BCAT2: variants seen among roughly 807,000 people sequenced by gnomAD.
BCAT2 encodes branched-chain-amino-acid aminotransferase, mitochondrial.
BCAT2 carries 44 observed loss-of-function variants against 52.9 expected under a neutral mutation model. The observed-to-expected ratio is 0.83, with a 90% CI of 0.65 to 1.07. BCAT2 has a LOEUF of 1.07. Ranked by LOEUF, BCAT2 falls within the 50% of genes least tolerant of loss-of-function variation. The pLI, the probability that BCAT2 is intolerant of heterozygous loss-of-function variation, is 0.00. For missense variants in BCAT2, 478 were observed against 521.8 expected, an observed-to-expected ratio of 0.92 and a Z score of 0.82; for synonymous variants, 215 against 217.1, an observed-to-expected ratio of 0.99 and a Z score of 0.08.
At position 48,806,707 on chromosome 19, in the gene BCAT2, A is replaced by G. The variant is rs2034791534; in HGVS notation, c.110T>C (p.Leu37Pro). 8.7e-6 allele frequency: 14 copies of G among 1,613,220 alleles called. No homozygotes were observed. The highest frequency in any genetic ancestry group is 1.2e-5 in the Non-Finnish European group (14 of 1,180,022). The stretch of plus-strand genomic sequence containing the variant: ...AGGCTTCTGTGTCATTTCCAGCTGC[A>G]GGTCTGCAGCCTGAGGAAAGACAGG... ...YASSSFKAAD[L>P]QLEMTQKPHK... Residue 37 changes from leucine (L) to proline (P), a missense_variant, in exon 3 of 11, where the codon CTG (leucine) becomes CCG (proline). By Grantham distance (98) the Leu-to-Pro change is moderately conservative (BLOSUM62 -3). Coordinates refer to ENST00000316273, the MANE Select transcript of BCAT2 (RefSeq NM_001190.4).
In BCAT2 at chr19:48,797,287, C is replaced by T; in HGVS notation, c.742G>A (p.Gly248Ser). 2.5e-6 allele frequency: 4 copies of T among 1,614,118 alleles called. No individual in the cohort carries two copies. Among genetic ancestry groups the T allele is most frequent in the Non-Finnish European group, 3.4e-6 (4 of 1,180,010 alleles). ...TACAGCCAGAGGACCTGTTCACAGC[C>T]CCGCTTGAGTGCCTCCTGTTGCACT... is the stretch of plus-strand genomic sequence containing the variant. ...VLVQQEALKR[G>S]CEQVLWLYGP... Residue 248 changes from glycine to serine, a missense_variant, in exon 7 of 11, where the codon GGC (glycine) becomes AGC (serine). Physicochemically the swap from Gly to Ser is moderately conservative, Grantham distance 56 (BLOSUM62 0). Transcript: ENST00000316273.
chr19:48,799,618 C>G lies in BCAT2; in HGVS notation c.695+57G>C, dbSNP rs2034608164. The G allele has an allele frequency of 6.7e-7, 1 of 1,494,144 alleles. No homozygotes were observed. Among genetic ancestry groups the G allele is most frequent in the Non-Finnish European group, 8.9e-7 (1 of 1,124,648 alleles). The allele number at this position is 1,494,144 out of a possible 1,614,324, so 92.6% of individuals were successfully genotyped here. On this transcript the variant is annotated intron_variant, in intron 6 of 10. Coordinates refer to ENST00000316273, the MANE Select transcript of BCAT2 (RefSeq NM_001190.4). This position sits in a 1 kb window ranked among gnomAD's most constrained non-coding sequence, Gnocchi z 5.5. ...CATGGCCGAAAGCACGCACGCTGGT[C>G]CCTGTGTCTCCAACGCCCAGTGCGC...
intron 2 of BCAT2, 72 bp from the exon 3 acceptor site, chr19:48,806,789 C>G (rs531271430): frequency 6.4e-7 from 1 of 1,553,394 alleles, no homozygotes; most frequent in African/African-American, 1.4e-5. Context: ...TCCCATGAAG[C>G]CCTGGGCCTC....
intron 3 of BCAT2, among the ~76,000 whole-genome samples, chr19:48,802,202 C>A (rs1194582175): frequency 6.6e-6 from 1 of 151,998 alleles, no homozygotes; most frequent in Non-Finnish European, 1.5e-5. Flanking sequence ...GTTTGAGATA[C>A]CTTTAAAACC....
Position 48,797,324 on chromosome 19 carries a change from C to T in BCAT2, c.705G>A (p.Gly235=), listed in dbSNP as rs1205645570. ...VGNYKLGGNY[G]PTVLVQQEAL... ...CCTCCTGTTGCACTAACACGGTGGG[C>T]CCATAATTCCTGGTGGAGGGCAGTC... The change falls in exon 7 of 11, where the codon GGG becomes GGA. Residue 235 remains glycine (G), a synonymous_variant. Coordinates refer to ENST00000316273, the MANE Select transcript of BCAT2 (RefSeq NM_001190.4). 2.5e-6 allele frequency: 4 copies of T among 1,613,908 alleles called. No individual in the cohort carries two copies. The highest frequency in any genetic ancestry group is 2.7e-5 in the African/African-American group (2 of 74,916).
At chr19:48,810,735 CCTTTTT>C in intron 1 of BCAT2, 1 of 937,362 alleles carries the variant, frequency 1.1e-6, no homozygotes, top group Non-Finnish European at 1.4e-6. Flanking sequence ...ACCATGTTTC[CCTTTTT>C]TTTTTTTTTT....
Position 48,806,556 on chromosome 19 carries a change from C to T in BCAT2, c.261G>A (p.Thr87=), listed in dbSNP as rs775192346. 1 of 1,614,030 alleles carries T rather than the reference C, an allele frequency of 6.2e-7. No homozygotes were observed. Among genetic ancestry groups the T allele is most frequent in the South Asian group, 1.1e-5 (1 of 91,080 alleles). The change falls in exon 3 of 11, where the codon ACG becomes ACA. Residue 87 remains threonine (T), a synonymous_variant. Transcript: ENST00000316273. The stretch of plus-strand genomic sequence containing the variant: ...GGAGGCTGGAGGAGGCTGGGTGCAG[C>T]GTGAGGTTCTGGAAGGGCTGGATTC... The part of the protein sequence containing the change: ...QPRIQPFQNL[T]LHPASSSLHY...
In BCAT2 at chr19:48,811,002, G is replaced by A. The variant is rs778614829; in HGVS notation, c.6C>T (p.Ala2=). The change falls in exon 1 of 11, where the codon GCC becomes GCT. Residue 2 remains alanine, a synonymous_variant. Coordinates refer to ENST00000316273, the MANE Select transcript of BCAT2 (RefSeq NM_001190.4). ...AACCCACCTGCCCCAGAGCGGCTGC[G>A]GCCATGATCCGTGCGGCGCGTAACT... M[A]AAALGQIWAR... The A allele has an allele frequency of 9.3e-6, 15 of 1,607,014 alleles. No individual in the cohort carries two copies. The African/African-American group carries it at 1.7e-4, about 19-fold the overall frequency.
In BCAT2 at chr19:48,800,258, G is replaced by T; in HGVS notation, c.340C>A (p.Gln114Lys). 1 of 1,613,826 alleles carries T rather than the reference G, an allele frequency of 6.2e-7. No individual in the cohort carries two copies. Among genetic ancestry groups the T allele is most frequent in the Non-Finnish European group, 8.5e-7 (1 of 1,180,038 alleles). ...GMKAFKGKDQ[Q>K]VRLFRPWLNM... ...AGCCAGGGGCGGAAGAGGCGCACCT[G>T]CTGGTCTTTGCCTTTGAACGCCTTC... Residue 114 changes from glutamine (Q) to lysine (K), a missense_variant, in exon 4 of 11, where the codon CAG becomes AAG. Gln to Lys is a moderately conservative substitution (Grantham distance 53). Transcript: ENST00000316273.
Position 48,797,174 on chromosome 19 carries a change from G to C in BCAT2, c.838+17C>G. On this transcript the variant is annotated intron_variant, in intron 7 of 10. Transcript: ENST00000316273. ...CCACTTCCACCAGGGTTCGGGCTGG[G>C]TCATGGGTGGGCTTACCCCCATCTT... 1 of 1,613,134 alleles carries C rather than the reference G, an allele frequency of 6.2e-7. No homozygotes were observed. The highest frequency in any genetic ancestry group is 1.1e-5 in the South Asian group (1 of 90,878).
intron 10 of BCAT2, chr19:48,795,751 T>C: frequency 1.9e-6 from 1 of 522,174 alleles, no homozygotes; most frequent in Non-Finnish European, 3.5e-6. Context: ...TCAGAGGATG[T>C]GTAGTTCTAG....
intron 3 of BCAT2, among the ~76,000 whole-genome samples, chr19:48,802,742 G>A (rs1409889351): frequency 1.3e-5 from 2 of 151,976 alleles, no homozygotes; most frequent in African/African-American, 2.4e-5. Context: ...CATCACAGCC[G>A]GCCCTGTACT....
chr19:48,806,402 C>T, intron 3 of BCAT2, 115 bp downstream of exon 3: 2 of 1,340,904 alleles, frequency 1.5e-6, no homozygotes, highest in Non-Finnish European at 2.1e-6. Flanking sequence ...ATGGTGAATG[C>T]ACAGAAAGGA....
Position 48,795,247 on chromosome 19 carries a change from G to A in BCAT2, c.*179C>T. The A allele has an allele frequency of 6.9e-6, 5 of 725,122 alleles. No homozygotes were observed. Among genetic ancestry groups the A allele is most frequent in the Non-Finnish European group, 1.2e-5 (5 of 431,308 alleles). 44.9% of individuals were successfully genotyped at this position (725,122 alleles called of 1,614,324 possible). On this transcript the variant is annotated 3_prime_UTR_variant, in exon 11 of 11. Coordinates refer to ENST00000316273, the MANE Select transcript of BCAT2 (RefSeq NM_001190.4). ...GCGACGAGGGGCTGGGGGCCAAGAT[G>A]CCTGGGTCGGCCCTTACGGCTTTGG... is the stretch of plus-strand genomic sequence containing the variant.
intron 3 of BCAT2, 99 bp from the exon 4 acceptor site, chr19:48,800,396 T>C (rs2034633843): frequency 9.0e-7 from 1 of 1,105,258 alleles, no homozygotes; most frequent in African/African-American, 1.6e-5. Flanking sequence ...CACAGACAAC[T>C]GAAAGATGGA....
At chr19:48,798,445 C>G (rs1319759870) in intron 6 of BCAT2, among the ~76,000 whole-genome samples, 1 of 152,208 alleles carries the variant, frequency 6.6e-6, no homozygotes, top group Non-Finnish European at 1.5e-5. Flanking sequence ...TGAATACTTG[C>G]TAAGCATTTT....
chr19:48,810,403 G>T (rs2034892795), intron 1 of BCAT2, among the ~76,000 whole-genome samples: 1 of 152,186 alleles, frequency 6.6e-6, no homozygotes. Context: ...GTCTCAGCCA[G>T]CCTGCAGCAT....
intron 8 of BCAT2, 101 bp from the exon 9 acceptor site, chr19:48,796,819 C>T (rs1299891511): frequency 1.1e-5 from 17 of 1,590,388 alleles, no homozygotes; most frequent in Admixed American, 1.7e-5. Context: ...AGAGGCCCAA[C>T]GGGAGAGACA....
At chr19:48,797,061 C>G (rs546103824) in intron 7 of BCAT2, 39 bp from the exon 8 acceptor site, 1 of 1,612,426 alleles carries the variant, frequency 6.2e-7, no homozygotes, top group Non-Finnish European at 8.5e-7. Flanking sequence ...TTACCTCTCA[C>G]CCCCTAGCAC....
Sources: allele counts gnomAD v4.1 joint callset (sites outside exome capture counted in the v4.1 genomes callset), GRCh38; gene constraint gnomAD v4.1.1; non-coding constraint Gnocchi (gnomAD v3.1); transcripts MANE v1.5; gene names NCBI Gene and HGNC (gene_info 2026-07-23, HGNC 2026-07-21).